Variants in ATP8B4 observed in about 807,000 individuals in gnomAD.
ATP8B4 encodes ATPase phospholipid transporting 8B4 (putative), also known as probable phospholipid-transporting ATPase IM.
In ATP8B4, 133 loss-of-function variants were observed where a neutral mutation model predicts 145.6. The ratio of observed to expected loss-of-function variants is 0.91; its 90% CI spans 0.79 to 1.05. The LOEUF (loss-of-function observed/expected upper bound fraction) is 1.05, where lower values mean the gene tolerates loss of function less well. ATP8B4 is among the 50% of genes least tolerant of loss of function. The pLI is 0.00. For missense variants in ATP8B4, 1,458 were observed against 1,425.2 expected, an observed-to-expected ratio of 1.02 and a Z score of -0.37; for synonymous variants, 507 against 492.9, an observed-to-expected ratio of 1.03 and a Z score of -0.38.
chr15:49,872,271 C>G (rs959160693), intron 25 of ATP8B4, among the ~76,000 whole-genome samples: 3 of 152,054 alleles, frequency 2.0e-5, no homozygotes, highest in Non-Finnish European at 4.4e-5. Context: ...TTGGGCAAAT[C>G]CCTTATACCT....
At chr15:50,155,023 T>C (rs2044393728) in intron 1 of ATP8B4, among the ~76,000 whole-genome samples, 1 of 152,288 alleles carries the variant, frequency 6.6e-6, no homozygotes, top group East Asian at 1.9e-4. Context: ...ATTTATCTTG[T>C]TTACATTACC....
intron 1 of ATP8B4, among the ~76,000 whole-genome samples, chr15:50,138,208 G>T (rs1358336332): frequency 6.6e-6 from 1 of 152,100 alleles, no homozygotes; most frequent in Non-Finnish European, 1.5e-5. Context: ...CAATCCTTCT[G>T]TTTCCAGGAA....
intron 3 of ATP8B4, among the ~76,000 whole-genome samples, chr15:50,072,924 CTCTCTCTCTCTCTCTCT>C (rs2053849181): frequency 1.2e-3 from 13 of 10,558 alleles, no homozygotes; most frequent in East Asian, 4.6e-3. Flanking sequence ...TGCCCGGCCT[CTCTCTCTCTCTCTCTCT>C]CTCTCTCTCT....
intron 19 of ATP8B4, 26 bp downstream of exon 19, chr15:49,918,813 A>G: frequency 6.5e-7 from 1 of 1,528,758 alleles, no homozygotes; most frequent in Non-Finnish European, 9.0e-7. Context: ...TTTTCAAAAT[A>G]TCATCAACAT....
At position 50,088,359 on chromosome 15, in the gene ATP8B4, A is replaced by AC. The variant is rs536020939; in HGVS notation, c.29-14175_29-14174insG. ...AGACTCCCTCTAAAAAAAAAAACAA[A>AC]AAACAAACAAACAAAAAAACCCTCG... On this transcript the variant is annotated intron_variant, in intron 2 of 27. Transcript: ENST00000284509. 2.6e-4 allele frequency among the ~76,000 whole-genome samples: 40 copies of AC among 152,012 alleles called. No homozygotes were observed. The East Asian group carries it at 7.7e-3, about 29-fold the overall frequency.
At chr15:49,862,106 G>A (rs1386897424) in intron 27 of ATP8B4, 139 bp downstream of exon 27, 1 of 1,095,748 alleles carries the variant, frequency 9.1e-7, no homozygotes, top group Non-Finnish European at 1.3e-6. Context: ...CATCTATTCT[G>A]ATGTGATCTC....
At chr15:49,989,723 G>C (rs2046903176) in intron 9 of ATP8B4, among the ~76,000 whole-genome samples, 1 of 151,922 alleles carries the variant, frequency 6.6e-6, no homozygotes, top group Admixed American at 6.6e-5. Context: ...ACAGGCCCCA[G>C]TCAAAACAAA....
At chr15:50,064,892 G>T (rs2053272998) in intron 3 of ATP8B4, among the ~76,000 whole-genome samples, 2 of 152,076 alleles carry the variant, frequency 1.3e-5, no homozygotes, top group Admixed American at 6.6e-5. Context: ...TAAACAACCA[G>T]ATCTCAGGAT....
Position 49,860,026 on chromosome 15 carries a change from C to T in ATP8B4, c.*168G>A, listed in dbSNP as rs1598742185. Reference sequence around the variant, plus strand: ...GACCCTCTGGCCTGGTTTTCCATAGCGCACACTCCTGTTTGATGGGCACTG... The same window carrying T: ...GACCCTCTGGCCTGGTTTTCCATAGTGCACACTCCTGTTTGATGGGCACTG... On this transcript the variant is annotated 3_prime_UTR_variant, in exon 28 of 28. Coordinates refer to ENST00000284509, the MANE Select transcript of ATP8B4 (RefSeq NM_024837.4). The T allele has an allele frequency of 9.2e-6, 7 of 764,454 alleles. No individual in the cohort carries two copies. Among genetic ancestry groups the T allele is most frequent in the South Asian group, 4.0e-5 (2 of 50,110 alleles). 47.4% of individuals were successfully genotyped at this position (764,454 alleles called of 1,614,324 possible). A position where few individuals can be genotyped will look rare whatever the true frequency, so the allele number is the denominator to read the frequency against.
chr15:49,994,876 G>T (rs534564730), intron 9 of ATP8B4, among the ~76,000 whole-genome samples: 3 of 152,206 alleles, frequency 2.0e-5, no homozygotes, highest in African/African-American at 7.2e-5. Context: ...TCAGGGCCAG[G>T]TGACAATGTT....
chr15:49,890,701 TA>T (rs1222130260), intron 23 of ATP8B4, among the ~76,000 whole-genome samples: 1 of 151,986 alleles, frequency 6.6e-6, no homozygotes, highest in African/African-American at 2.4e-5. Context: ...AAAACAGGAC[TA>T]AAAAAAAGCC....
chr15:49,900,001 A>T (rs1374990576), intron 21 of ATP8B4, among the ~76,000 whole-genome samples: 1 of 152,170 alleles, frequency 6.6e-6, no homozygotes, highest in Non-Finnish European at 1.5e-5. Context: ...AGCCTGAGAG[A>T]AAGTCAAAGT....
At chr15:49,942,742 A>C (rs1212371280) in intron 14 of ATP8B4, among the ~76,000 whole-genome samples, 1 of 151,844 alleles carries the variant, frequency 6.6e-6, no homozygotes, top group Non-Finnish European at 1.5e-5. Context: ...GGAGAATGGC[A>C]TGAACCTGGG....
At chr15:49,950,896 T>C (rs1257727955) in intron 14 of ATP8B4, among the ~76,000 whole-genome samples, 1 of 152,236 alleles carries the variant, frequency 6.6e-6, no homozygotes, top group Non-Finnish European at 1.5e-5. Flanking sequence ...TCTGGTACAC[T>C]GTCTCTTTGT....
chr15:50,096,777 A>G (rs557369722), intron 2 of ATP8B4, among the ~76,000 whole-genome samples: 1 of 152,340 alleles, frequency 6.6e-6, no homozygotes, highest in African/African-American at 2.4e-5. Flanking sequence ...AATGGAAGAT[A>G]TTAAGTCTTT....
intron 14 of ATP8B4, among the ~76,000 whole-genome samples, chr15:49,954,165 G>T (rs575954686): frequency 6.6e-6 from 1 of 152,298 alleles, no homozygotes; most frequent in South Asian, 2.1e-4. Context: ...TTGGGTCTCA[G>T]ACTGGCTTTC....
intron 14 of ATP8B4, among the ~76,000 whole-genome samples, chr15:49,955,112 G>A (rs2043440742): frequency 6.6e-6 from 1 of 152,172 alleles, no homozygotes; most frequent in Non-Finnish European, 1.5e-5. Context: ...ATAAGTGGAA[G>A]CTAAACATTG....
intron 1 of ATP8B4, among the ~76,000 whole-genome samples, chr15:50,167,730 T>C (rs2044614977): frequency 1.3e-5 from 2 of 152,200 alleles, no homozygotes; most frequent in South Asian, 4.1e-4. Flanking sequence ...ATTGACTTGC[T>C]GTGTGTGGCT....
chr15:50,136,345 T>C (rs963785570), intron 1 of ATP8B4, among the ~76,000 whole-genome samples: 9 of 152,212 alleles, frequency 5.9e-5, no homozygotes, highest in African/African-American at 2.2e-4. Context: ...AGGAGGGCTA[T>C]GCAGAAACTT....
Sources: gnomAD v4.1 joint callset for allele counts (sites outside exome capture counted in the v4.1 genomes callset) on GRCh38, gnomAD v4.1.1 for gene constraint, MANE v1.5 for transcripts, NCBI Gene and HGNC (gene_info 2026-07-23, HGNC 2026-07-21) for gene names.